Variants in BRD10 observed in about 807,000 individuals in gnomAD.
BRD10 encodes bromodomain containing 10.
At chr9:5,927,708 G>C in the BRD10 span, among the ~76,000 whole-genome samples, 10 of 151,952 alleles carry the variant, frequency 6.6e-5, no homozygotes, top group African/African-American at 2.4e-4. Flanking sequence ...TCTTTACCTG[G>C]TTTCCAAAAC....
the BRD10 span, among the ~76,000 whole-genome samples, chr9:5,950,976 A>G: frequency 3.9e-5 from 6 of 151,952 alleles, no homozygotes; most frequent in South Asian, 2.1e-4. Context: ...TTAAGAAAAT[A>G]TTTTCAATCC....
the BRD10 span, chr9:5,988,648 T>G: frequency 1.3e-6 from 1 of 774,916 alleles, no homozygotes; most frequent in African/African-American, 1.7e-5. Flanking sequence ...TACATAAAAG[T>G]ATTTAAACCT....
the BRD10 span, among the ~76,000 whole-genome samples, chr9:5,935,911 G>C: frequency 1.1e-4 from 16 of 152,104 alleles, no homozygotes; most frequent in Admixed American, 4.6e-4. Flanking sequence ...TGATTAAAAT[G>C]TTCCTAAAGT....
chr9:5,988,052 C>A, the BRD10 span, among the ~76,000 whole-genome samples: 1 of 152,066 alleles, frequency 6.6e-6, no homozygotes, highest in Non-Finnish European at 1.5e-5. Context: ...AAACTACAAA[C>A]CTATAGAAAA....
chr9:5,965,202 A>C, the BRD10 span, among the ~76,000 whole-genome samples: 1 of 152,138 alleles, frequency 6.6e-6, no homozygotes, highest in African/African-American at 2.4e-5. Flanking sequence ...AGTCCACCCT[A>C]AGTGAAGGTT....
chr9:5,883,680 C>T, the BRD10 span, among the ~76,000 whole-genome samples: 1 of 151,964 alleles, frequency 6.6e-6, no homozygotes, highest in Non-Finnish European at 1.5e-5. Flanking sequence ...CTATGCAGCC[C>T]AGGCTGGTCT....
At chr9:5,921,665 TA>T in the BRD10 span, 1 of 1,613,962 alleles carries the variant, frequency 6.2e-7, no homozygotes. Context: ...TTTTGTGATA[TA>T]ATCTACTTGT....
chr9:5,974,546 T>C, the BRD10 span, among the ~76,000 whole-genome samples: 1 of 152,130 alleles, frequency 6.6e-6, no homozygotes, highest in African/African-American at 2.4e-5. Context: ...ATCCAGATCA[T>C]GATGCAGACA....
the BRD10 span, among the ~76,000 whole-genome samples, chr9:5,926,460 A>G: frequency 6.6e-6 from 1 of 152,152 alleles, no homozygotes; most frequent in Non-Finnish European, 1.5e-5. Context: ...GGCATGCACC[A>G]CCATACCTGG....
the BRD10 span, among the ~76,000 whole-genome samples, chr9:5,964,388 T>C: frequency 2.1e-3 from 320 of 152,100 alleles, 1 homozygote; most frequent in African/African-American, 7.5e-3. Flanking sequence ...ATGGCAATCA[T>C]TCAAAAGTCA....
At chr9:5,904,743 G>T in the BRD10 span, among the ~76,000 whole-genome samples, 1 of 150,710 alleles carries the variant, frequency 6.6e-6, no homozygotes, top group Admixed American at 6.6e-5. Flanking sequence ...AGGATTACAG[G>T]CGTGAGCCAC....
chr9:5,967,589 C>A, the BRD10 span, among the ~76,000 whole-genome samples: 6 of 150,772 alleles, frequency 4.0e-5, no homozygotes, highest in Non-Finnish European at 5.9e-5. Flanking sequence ...GGAAGATAAT[C>A]TGACTACCCT....
the BRD10 span, among the ~76,000 whole-genome samples, chr9:5,883,175 G>C: frequency 6.9e-6 from 1 of 143,920 alleles, no homozygotes; most frequent in South Asian, 2.2e-4. Context: ...CAAAAACAAA[G>C]ACAAAACCCT....
At chr9:5,908,620 T>A in the BRD10 span, 1 of 1,609,366 alleles carries the variant, frequency 6.2e-7, no homozygotes, top group Non-Finnish European at 8.5e-7. Flanking sequence ...GCCCATATTC[T>A]CCCTTTCTTG....
chr9:6,001,055 C>T, the BRD10 span, among the ~76,000 whole-genome samples: 1 of 152,182 alleles, frequency 6.6e-6, no homozygotes, highest in Admixed American at 6.5e-5. Context: ...GTCCCCTAAG[C>T]ATCACCACCA....
At chr9:5,982,882 T>C in the BRD10 span, among the ~76,000 whole-genome samples, 1 of 152,240 alleles carries the variant, frequency 6.6e-6, no homozygotes, top group South Asian at 2.1e-4. Context: ...TGTGAGATAA[T>C]TCCAAAAAGA....
At chr9:5,901,807 C>A in the BRD10 span, among the ~76,000 whole-genome samples, 1 of 152,226 alleles carries the variant, frequency 6.6e-6, no homozygotes, top group Non-Finnish European at 1.5e-5. Flanking sequence ...CAGGCGTGAG[C>A]CACCACGCCT....
the BRD10 span, among the ~76,000 whole-genome samples, chr9:5,929,860 T>C: frequency 1.3e-5 from 2 of 152,112 alleles, no homozygotes; most frequent in Non-Finnish European, 2.9e-5. Context: ...CTCATAGAGA[T>C]TAAATGACTT....
the BRD10 span, among the ~76,000 whole-genome samples, chr9:5,917,476 C>T: frequency 6.6e-6 from 1 of 152,272 alleles, no homozygotes; most frequent in African/African-American, 2.4e-5. Context: ...GACTTCAGTA[C>T]GAAGGTTCAC....
Sources: allele counts gnomAD v4.1 joint callset (sites outside exome capture counted in the v4.1 genomes callset), GRCh38; gene constraint gnomAD v4.1.1; transcripts MANE v1.5; gene names NCBI Gene and HGNC (gene_info 2026-07-23, HGNC 2026-07-21).